The following MYT1L variants were observed in gnomAD, a reference collection of about 807,000 sequenced individuals.
The protein encoded by MYT1L is myelin transcription factor 1 like.
In MYT1L, 12 loss-of-function variants were observed where a neutral mutation model predicts 126.7. That is an observed-to-expected ratio of 0.09 (90% CI 0.06 to 0.15). The LOEUF (loss-of-function observed/expected upper bound fraction) is 0.15. MYT1L is among the 10% of genes least tolerant of loss of function. The pLI, the probability that MYT1L is intolerant of heterozygous loss-of-function variation, is 1.00. For missense variants in MYT1L, 979 were observed against 1,585.2 expected, an observed-to-expected ratio of 0.62 and a Z score of 6.49; for synonymous variants, 541 against 604.2, an observed-to-expected ratio of 0.90 and a Z score of 1.53.
At chr2:1,851,278 G>A (rs2043229754) in intron 19 of MYT1L, among the ~76,000 whole-genome samples, 1 of 152,128 alleles carries the variant, frequency 6.6e-6, no homozygotes, top group African/African-American at 2.4e-5. Flanking sequence ...ACTCTCAGTG[G>A]CATTAGAATG....
chr2:1,875,400 C>T (rs913878734), intron 18 of MYT1L, among the ~76,000 whole-genome samples: 2 of 152,230 alleles, frequency 1.3e-5, no homozygotes, highest in African/African-American at 4.8e-5. Flanking sequence ...TGACGTGGTC[C>T]TTGCACCAAG....
At chr2:1,934,727 TACACACACACACAC>T (rs56320658) in intron 9 of MYT1L, among the ~76,000 whole-genome samples, 24 of 138,312 alleles carry the variant, frequency 1.7e-4, no homozygotes, top group Admixed American at 3.6e-4. Context: ...CTCTGTCATG[TACACACACACACAC>T]ACACACACAC....
chr2:2,318,165 A>G (rs1307435524), intron 1 of MYT1L, among the ~76,000 whole-genome samples: 1 of 152,212 alleles, frequency 6.6e-6, no homozygotes, highest in East Asian at 1.9e-4. Flanking sequence ...TGAAATTTAC[A>G]CTATCATTGA....
In MYT1L at chr2:1,801,943, TCA is replaced by T. The variant is rs2034926670; in HGVS notation, c.3173-146_3173-145del. 1 of 589,124 alleles carries T rather than the reference TCA, an allele frequency of 1.7e-6. No individual in the cohort carries two copies. The highest frequency in any genetic ancestry group is 2.2e-5 in the South Asian group (1 of 45,690). The allele number at this position is 589,124 out of a possible 1,614,324, so 36.5% of individuals were successfully genotyped here. On this transcript the variant is annotated intron_variant, in intron 22 of 24. Transcript: ENST00000647738. The surrounding 1 kb of genome is among the most constrained non-coding windows in gnomAD (Gnocchi z 4.2). ...TCTTGAATTAGAAAGGAAAAAATCATCACAATCTCTGTGTCTTTCTATTCCCT... is the reference window on the plus strand; with the variant it reads ...TCTTGAATTAGAAAGGAAAAAATCATCAATCTCTGTGTCTTTCTATTCCCT...
At chr2:2,089,783 T>C (rs1363788095) in intron 3 of MYT1L, among the ~76,000 whole-genome samples, 1 of 152,088 alleles carries the variant, frequency 6.6e-6, no homozygotes, top group Non-Finnish European at 1.5e-5. Flanking sequence ...CTCCTTTTCA[T>C]CCACTCCTCT....
At chr2:2,118,095 ATAT>A (rs1211137578) in intron 3 of MYT1L, among the ~76,000 whole-genome samples, 2 of 148,970 alleles carry the variant, frequency 1.3e-5, no homozygotes, top group East Asian at 1.9e-4. Context: ...ATATTATTGA[ATAT>A]TATTTATATT....
intron 19 of MYT1L, among the ~76,000 whole-genome samples, chr2:1,845,046 T>G (rs2148455948): frequency 6.6e-6 from 1 of 151,906 alleles, no homozygotes; most frequent in Admixed American, 6.6e-5. Context: ...GGGCATGACC[T>G]TGGCTCGCTG....
chr2:2,239,797 T>C (rs1342112288), intron 2 of MYT1L, among the ~76,000 whole-genome samples: 3 of 152,170 alleles, frequency 2.0e-5, no homozygotes, highest in African/African-American at 4.8e-5. Context: ...ATCTGCTAAT[T>C]TGATATTTCA....
chr2:1,922,395 C>A lies in MYT1L; in HGVS notation c.1374G>T (p.Arg458Ser). Residue 458 changes from arginine (R) to serine (S), a missense_variant, in exon 10 of 25, where the codon AGG becomes AGT. Coordinates refer to ENST00000647738, the MANE Select transcript of MYT1L (RefSeq NM_001303052.2). The surrounding 1 kb of genome is among the most constrained non-coding windows in gnomAD (Gnocchi z 7.4). The stretch of plus-strand genomic sequence containing the variant: ...CCTCATATGACCTCATATTGTCCCT[C>A]CTCCCAGCTTCCATGGCCATCTTCT... ...MREKMAMEAG[R>S]RDNMRSYEDQ... is the part of the protein sequence containing the mutation. 6.2e-7 allele frequency: 1 copy of A among 1,614,024 alleles called. No individual in the cohort carries two copies. Among genetic ancestry groups the A allele is most frequent in the South Asian group, 1.1e-5 (1 of 91,088 alleles).
rs556020305 is a variant in MYT1L at position 1,976,641 on chromosome 2, C to CA, written c.152+2523dup. On this transcript the variant is annotated intron_variant, in intron 8 of 24. Transcript: ENST00000647738. ...TGGGCAACAGAGTGAGACTCCATATCAAAAAAACAAAAAACCAGGCAGATA... is the reference window on the plus strand; with the variant it reads ...TGGGCAACAGAGTGAGACTCCATATCAAAAAAAACAAAAAACCAGGCAGATA... Among the ~76,000 whole-genome samples, 52 of 151,762 alleles carry CA rather than the reference C, an allele frequency of 3.4e-4. No individual in the cohort carries two copies. The East Asian group carries it at 9.5e-3, about 28-fold the overall frequency.
At chr2:1,967,669 T>G (rs1051310670) in intron 8 of MYT1L, among the ~76,000 whole-genome samples, 5 of 152,160 alleles carry the variant, frequency 3.3e-5, no homozygotes, top group African/African-American at 1.2e-4. Context: ...AGCAGGGACT[T>G]CAGGCCTGAC....
chr2:2,107,466 A>T (rs1341931495), intron 3 of MYT1L, among the ~76,000 whole-genome samples: 2 of 152,240 alleles, frequency 1.3e-5, no homozygotes, highest in Admixed American at 1.3e-4. Context: ...TCTCTGACGC[A>T]TTACAGAAAG....
chr2:2,200,792 G>C (rs924018002), intron 2 of MYT1L, among the ~76,000 whole-genome samples: 10 of 152,200 alleles, frequency 6.6e-5, no homozygotes, highest in Non-Finnish European at 1.3e-4. Context: ...GCTCATGGCT[G>C]TTCGGCTCCG....
chr2:2,313,431 T>C (rs1422709183), intron 1 of MYT1L, among the ~76,000 whole-genome samples: 1 of 152,130 alleles, frequency 6.6e-6, no homozygotes, highest in Non-Finnish European at 1.5e-5. Flanking sequence ...TAATGCCTGG[T>C]TAATTTAAGT....
chr2:2,130,784 A>T (rs2148015891), intron 3 of MYT1L, among the ~76,000 whole-genome samples: 1 of 152,308 alleles, frequency 6.6e-6, no homozygotes, highest in East Asian at 1.9e-4. Flanking sequence ...CCTTTGGATA[A>T]AATGAGGGGA....
At chr2:2,082,694 T>C (rs945646975) in intron 3 of MYT1L, among the ~76,000 whole-genome samples, 11 of 152,236 alleles carry the variant, frequency 7.2e-5, no homozygotes, top group African/African-American at 1.2e-4. Flanking sequence ...GCTGTTCACA[T>C]AGCATAGCTT....
intron 4 of MYT1L, among the ~76,000 whole-genome samples, chr2:2,015,428 TC>T (rs2064276874): frequency 6.6e-6 from 1 of 152,080 alleles, no homozygotes; most frequent in South Asian, 2.1e-4. Flanking sequence ...AGGCAGCTCC[TC>T]CCGCAGCTGG....
At chr2:2,046,533 CTCAT>C (rs1244451455) in intron 4 of MYT1L, among the ~76,000 whole-genome samples, 1 of 152,180 alleles carries the variant, frequency 6.6e-6, no homozygotes, top group South Asian at 2.1e-4. Context: ...GCCATTTTCA[CTCAT>C]TCAATCAATT....
chr2:2,212,998 A>C (rs2093573619), intron 2 of MYT1L, among the ~76,000 whole-genome samples: 1 of 152,144 alleles, frequency 6.6e-6, no homozygotes, highest in Non-Finnish European at 1.5e-5. Flanking sequence ...AGAGGCACAG[A>C]GTGGACTTTA....
Sources: gnomAD v4.1 joint callset for allele counts (sites outside exome capture counted in the v4.1 genomes callset) on GRCh38, gnomAD v4.1.1 for gene constraint, Gnocchi (gnomAD v3.1) non-coding constraint, MANE v1.5 for transcripts, NCBI Gene and HGNC (gene_info 2026-07-23, HGNC 2026-07-21) for gene names.